INPP4B: variants seen among roughly 807,000 people sequenced by gnomAD.
The protein encoded by INPP4B is inositol polyphosphate 4-phosphatase type II.
Under a neutral mutation model 122.5 loss-of-function variants are expected in INPP4B, and 55 were observed. That is an observed-to-expected ratio of 0.45 (90% CI 0.36 to 0.56). INPP4B has a LOEUF of 0.56. Among genes scored for constraint, INPP4B ranks in the 20% least tolerant of loss-of-function variants. The pLI is 0.00. For missense variants in INPP4B, 1,000 were observed against 1,097.7 expected (o/e 0.91, Z 1.26); for synonymous variants, 403 against 388.7 (o/e 1.04, Z -0.43).
intron 2 of INPP4B, among the ~76,000 whole-genome samples, chr4:142,655,475 A>C (rs1206665220): frequency 6.6e-6 from 1 of 152,242 alleles, no homozygotes; most frequent in African/African-American, 2.4e-5. Flanking sequence ...TGCCTCCAAA[A>C]TTATCTGTGA....
chr4:142,263,680 A>ATATATATATATAT (rs61694410), intron 10 of INPP4B, among the ~76,000 whole-genome samples: 183 of 81,894 alleles, frequency 2.2e-3, no homozygotes, highest in Non-Finnish European at 2.8e-3. Context: ...ATATATATAT[A>ATATATATATATAT]ACATTGAACA....
rs1247059222 is a variant in INPP4B at position 142,300,666 on chromosome 4, T to C, written c.503+4792A>G. 2.0e-5 allele frequency among the ~76,000 whole-genome samples: 3 copies of C among 152,164 alleles called. No individual in the cohort carries two copies. The East Asian group carries it at 5.8e-4, about 29-fold the overall frequency. On this transcript the variant is annotated intron_variant, in intron 9 of 25. Transcript: ENST00000262992. ...ACATATGCATGCATAGGTATACATA[T>C]AAATACTACATAAAATAGGAGAAAT...
At chr4:142,132,396 C>G (rs997013502) in intron 18 of INPP4B, among the ~76,000 whole-genome samples, 1 of 151,992 alleles carries the variant, frequency 6.6e-6, no homozygotes, top group African/African-American at 2.4e-5. Context: ...ACTTCTTCAT[C>G]CTTTAATTTT....
At chr4:142,580,463 T>C (rs1459219818) in intron 2 of INPP4B, among the ~76,000 whole-genome samples, 1 of 151,958 alleles carries the variant, frequency 6.6e-6, no homozygotes, top group East Asian at 1.9e-4. Flanking sequence ...GTTAAATTTT[T>C]CTTAGGAATC....
intron 21 of INPP4B, among the ~76,000 whole-genome samples, chr4:142,113,292 G>A (rs1264501019): frequency 1.3e-5 from 2 of 151,854 alleles, no homozygotes; most frequent in Non-Finnish European, 2.9e-5. Context: ...ATTTAAGTTA[G>A]GATTAGTACA....
chr4:142,715,277 T>C (rs1367567318), intron 2 of INPP4B, among the ~76,000 whole-genome samples: 1 of 152,214 alleles, frequency 6.6e-6, no homozygotes, highest in East Asian at 1.9e-4. Context: ...TGTTGCAATG[T>C]CCAGTATGTT....
chr4:142,655,087 G>A (rs1196250014), intron 2 of INPP4B, among the ~76,000 whole-genome samples: 1 of 152,192 alleles, frequency 6.6e-6, no homozygotes, highest in Non-Finnish European at 1.5e-5. Flanking sequence ...AGAATTCAGA[G>A]TTTCTGTCTT....
intron 3 of INPP4B, among the ~76,000 whole-genome samples, chr4:142,449,519 T>A (rs1242185137): frequency 6.6e-6 from 1 of 151,896 alleles, no homozygotes; most frequent in African/African-American, 2.4e-5. Context: ...CTGGCCAACA[T>A]GGTGAAACCC....
chr4:142,651,051 C>A lies in INPP4B; in HGVS notation c.-191+74788G>T, dbSNP rs56116507. Among the ~76,000 whole-genome samples the A allele has an allele frequency of 4.2e-3, 641 of 152,300 alleles. 6 individuals are homozygous for A. The highest frequency in any genetic ancestry group is 0.015 in the African/African-American group (616 of 41,554). On this transcript the variant is annotated intron_variant, in intron 2 of 25. Transcript: ENST00000262992. ...AGAACAGAGTGCAATCAAATTAGAACTCAGGATTCAGAAACTCACTCAAAA... is the reference window on the plus strand; with the variant it reads ...AGAACAGAGTGCAATCAAATTAGAAATCAGGATTCAGAAACTCACTCAAAA...
intron 2 of INPP4B, among the ~76,000 whole-genome samples, chr4:142,491,652 A>G (rs1297980019): frequency 1.3e-5 from 2 of 152,178 alleles, no homozygotes; most frequent in Admixed American, 6.5e-5. Context: ...GTGAGACTTC[A>G]TGTCAAAGAA....
chr4:142,151,418 A>G (rs1000430927), intron 17 of INPP4B, among the ~76,000 whole-genome samples: 1 of 152,062 alleles, frequency 6.6e-6, no homozygotes, highest in African/African-American at 2.4e-5. Context: ...AACTTCACCT[A>G]TTTCCTTATG....
intron 2 of INPP4B, among the ~76,000 whole-genome samples, chr4:142,564,128 T>C (rs1731070348): frequency 6.6e-6 from 1 of 152,220 alleles, no homozygotes; most frequent in Non-Finnish European, 1.5e-5. Context: ...TAACCCATTT[T>C]GCTAAAACTT....
chr4:142,519,340 T>A (rs1477553154), intron 2 of INPP4B, among the ~76,000 whole-genome samples: 5 of 152,200 alleles, frequency 3.3e-5, no homozygotes, highest in African/African-American at 1.2e-4. Flanking sequence ...TTAATATATA[T>A]ATGCTAATTA....
intron 11 of INPP4B, among the ~76,000 whole-genome samples, chr4:142,258,070 T>A (rs1235908689): frequency 6.6e-6 from 1 of 151,872 alleles, no homozygotes; most frequent in South Asian, 2.1e-4. Flanking sequence ...CTATCTGATC[T>A]TTGACAAACC....
At chr4:142,398,259 T>C (rs1212684199) in intron 7 of INPP4B, among the ~76,000 whole-genome samples, 1 of 149,262 alleles carries the variant, frequency 6.7e-6, no homozygotes, top group Non-Finnish European at 1.5e-5. Flanking sequence ...GCGCCTGTAG[T>C]CCCAGCTACT....
At chr4:142,765,719 A>T (rs1772015636) in intron 1 of INPP4B, among the ~76,000 whole-genome samples, 1 of 152,170 alleles carries the variant, frequency 6.6e-6, no homozygotes, top group Admixed American at 6.6e-5. Flanking sequence ...TAGTATGCCA[A>T]CATCTTTCTT....
chr4:142,383,642 T>C (rs1794966561), intron 7 of INPP4B, among the ~76,000 whole-genome samples: 1 of 152,006 alleles, frequency 6.6e-6, no homozygotes, highest in Admixed American at 6.6e-5. Context: ...AACTGCTCAC[T>C]ATTCAAACAC....
At chr4:142,687,576 A>G (rs1759542176) in intron 2 of INPP4B, among the ~76,000 whole-genome samples, 1 of 151,536 alleles carries the variant, frequency 6.6e-6, no homozygotes, top group Non-Finnish European at 1.5e-5. Context: ...AAAAAAAAAA[A>G]AAAAAATCCT....
At chr4:142,552,363 T>C (rs187398867) in intron 2 of INPP4B, among the ~76,000 whole-genome samples, 31 of 152,004 alleles carry the variant, frequency 2.0e-4, no homozygotes, top group Middle Eastern at 6.8e-3. Context: ...CCTCATAATA[T>C]AGAACCTTGA....
Sources: allele counts gnomAD v4.1 joint callset (sites outside exome capture counted in the v4.1 genomes callset), GRCh38; gene constraint gnomAD v4.1.1; transcripts MANE v1.5; gene names NCBI Gene and HGNC (gene_info 2026-07-23, HGNC 2026-07-21).